The following ADORA1 variants were observed in gnomAD, a reference collection of about 807,000 sequenced individuals.
ADORA1 encodes the protein adenosine receptor A1.
Under a neutral mutation model 19.9 loss-of-function variants are expected in ADORA1, and 6 were observed. The ratio of observed to expected loss-of-function variants is 0.30; its 90% CI spans 0.17 to 0.59. The LOEUF (loss-of-function observed/expected upper bound fraction) is 0.59, where lower values mean the gene tolerates loss of function less well. Ranked by LOEUF, ADORA1 falls within the 20% of genes least tolerant of loss-of-function variation. ADORA1 has a pLI of 0.87. For missense variants in ADORA1, 302 were observed against 439.2 expected, an observed-to-expected ratio of 0.69 and a Z score of 2.79; for synonymous variants, 194 against 188.4, an observed-to-expected ratio of 1.03 and a Z score of -0.24.
At chr1:203,164,908 T>C in intron 3 of ADORA1, 1 of 839,038 alleles carries the variant, frequency 1.2e-6, no homozygotes, top group South Asian at 1.8e-5. Context: ...AAGGCTGTCA[T>C]GAAGCAATGA....
intron 3 of ADORA1, among the ~76,000 whole-genome samples, chr1:203,158,335 A>G (rs886784605): frequency 3.3e-5 from 5 of 152,244 alleles, no homozygotes; most frequent in African/African-American, 4.8e-5. Context: ...TTACAACTAT[A>G]TAACAAGGAT....
At chr1:203,138,964 G>A (rs1055775364) in intron 3 of ADORA1, among the ~76,000 whole-genome samples, 1 of 152,072 alleles carries the variant, frequency 6.6e-6, no homozygotes, top group Non-Finnish European at 1.5e-5. Flanking sequence ...AATCATAGGT[G>A]CATGCCACCA....
chr1:203,145,166 G>A (rs145886852), intron 3 of ADORA1: 8 of 152,416 alleles, frequency 5.2e-5, no homozygotes, highest in African/African-American at 1.9e-4. Flanking sequence ...ATAAGAGGTG[G>A]CTTTGATGTC....
chr1:203,135,839 T>C (rs1654487762), intron 3 of ADORA1, among the ~76,000 whole-genome samples: 1 of 152,010 alleles, frequency 6.6e-6, no homozygotes, highest in Non-Finnish European at 1.5e-5. Context: ...TTACTCCAAC[T>C]CTCCCTTCTC....
intron 3 of ADORA1, among the ~76,000 whole-genome samples, chr1:203,160,406 A>C (rs912539471): frequency 1.3e-5 from 2 of 152,212 alleles, no homozygotes; most frequent in Admixed American, 1.3e-4. Context: ...GCATTCAAGT[A>C]GTGTTGAATT....
intron 3 of ADORA1, among the ~76,000 whole-genome samples, chr1:203,158,574 T>C (rs1365278011): frequency 1.3e-5 from 2 of 152,190 alleles, no homozygotes; most frequent in Non-Finnish European, 1.5e-5. Context: ...TCCTCCAAAC[T>C]CTTCCAGCCT....
At chr1:203,129,219 A>C in intron 3 of ADORA1, 37 bp downstream of exon 3, 1 of 1,570,856 alleles carries the variant, frequency 6.4e-7, no homozygotes, top group Non-Finnish European at 8.6e-7. Context: ...GCAGCACCAC[A>C]TGATGGCTGG....
chr1:203,141,328 C>T (rs1654683072), intron 3 of ADORA1, among the ~76,000 whole-genome samples: 1 of 152,230 alleles, frequency 6.6e-6, no homozygotes, highest in Non-Finnish European at 1.5e-5. Context: ...AGCCAGACCT[C>T]TCAGCTCTCA....
chr1:203,158,818 C>T (rs1655274010), intron 3 of ADORA1, among the ~76,000 whole-genome samples: 1 of 152,170 alleles, frequency 6.6e-6, no homozygotes, highest in South Asian at 2.1e-4. Flanking sequence ...CTGGCTCATC[C>T]TATGGCTGAA....
chr1:203,147,873 C>T lies in ADORA1; in HGVS notation c.342-17388C>T, dbSNP rs1654904508. Among the ~76,000 whole-genome samples, 6 of 152,152 alleles carry T rather than the reference C, an allele frequency of 3.9e-5. No individual in the cohort carries two copies. The South Asian group carries it at 1.2e-3, about 32-fold the overall frequency. On this transcript the variant is annotated intron_variant, in intron 3 of 3. Transcript: ENST00000337894. The stretch of plus-strand genomic sequence containing the variant: ...AATGTTTTGAAACATTACGTTGTAC[C>T]CCATAAATATATACAATTAATGTTT...
chr1:203,153,034 G>A (rs188804679), intron 3 of ADORA1, among the ~76,000 whole-genome samples: 1 of 152,210 alleles, frequency 6.6e-6, no homozygotes, highest in African/African-American at 2.4e-5. Context: ...AGCCCCCTCC[G>A]GATCAGAACC....
chr1:203,135,020 C>T (rs556082901), intron 3 of ADORA1, among the ~76,000 whole-genome samples: 1 of 152,204 alleles, frequency 6.6e-6, no homozygotes, highest in Non-Finnish European at 1.5e-5. Context: ...CCCTGAGCCC[C>T]ACCCCACCTG....
rs146312507 is a variant in ADORA1 at position 203,152,109 on chromosome 1, T to G, written c.342-13152T>G. Among the ~76,000 whole-genome samples, 258 of 152,300 alleles carry G rather than the reference T, an allele frequency of 1.7e-3. 2 individuals are homozygous for G. The highest frequency in any genetic ancestry group is 6.1e-3 in the African/African-American group (252 of 41,562). On this transcript the variant is annotated intron_variant, in intron 3 of 3. Coordinates refer to ENST00000337894, the MANE Select transcript of ADORA1 (RefSeq NM_000674.3). ...CTGCTAGAGCCCAGAAAAGATCTCA[T>G]TCAATCCCTCATCATCCAGACAAGG...
intron 3 of ADORA1, among the ~76,000 whole-genome samples, chr1:203,157,606 G>A (rs945881398): frequency 7.2e-5 from 11 of 152,234 alleles, no homozygotes; most frequent in Admixed American, 5.2e-4. Flanking sequence ...TGGTGGCTCT[G>A]TCCCTGTGAC....
rs138204542 is a variant in ADORA1 at position 203,147,880 on chromosome 1, A to G, written c.342-17381A>G. Among the ~76,000 whole-genome samples, 788 of 152,314 alleles carry G rather than the reference A, an allele frequency of 5.2e-3. 9 individuals are homozygous for G. Among genetic ancestry groups the G allele is most frequent in the South Asian group, 0.029 (141 of 4,826 alleles). ...TGAAACATTACGTTGTACCCCATAA[A>G]TATATACAATTAATGTTTTTCAGTA... On this transcript the variant is annotated intron_variant, in intron 3 of 3. Coordinates refer to ENST00000337894, the MANE Select transcript of ADORA1 (RefSeq NM_000674.3).
intron 3 of ADORA1, among the ~76,000 whole-genome samples, chr1:203,151,991 C>T (rs960213425): frequency 6.6e-5 from 10 of 152,186 alleles, no homozygotes; most frequent in South Asian, 2.1e-4. Flanking sequence ...CAAGGAGTTC[C>T]GTGTTCAGTG....
At chr1:203,158,234 T>G (rs1587054) in intron 3 of ADORA1, among the ~76,000 whole-genome samples, 152,338 of 152,348 alleles carry the variant, frequency 1, 76,164 homozygotes, top group Middle Eastern at 1. Context: ...TTGTTGTTTG[T>G]ATATTTCTTC....
intron 3 of ADORA1, among the ~76,000 whole-genome samples, chr1:203,148,914 G>A (rs1571798687): frequency 6.6e-6 from 1 of 151,300 alleles, no homozygotes; most frequent in Non-Finnish European, 1.5e-5. Context: ...TTTTTGCTCC[G>A]TTGCCCCAGC....
rs1558124197 is a variant in ADORA1 at position 203,127,785 on chromosome 1, C to CT, written c.-355dup. 2 of 152,344 alleles carry CT rather than the reference C, an allele frequency of 1.3e-5. No homozygotes were observed. Among genetic ancestry groups the CT allele is most frequent in the Non-Finnish European group, 2.9e-5 (2 of 68,132 alleles). The allele number at this position is 152,344 out of a possible 1,614,324, so 9.4% of individuals were successfully genotyped here. A position where few individuals can be genotyped will look rare whatever the true frequency, so the allele number is the denominator to read the frequency against. ...GGCGCCCGAGTCGAGTCCCAGCCAG[C>CT]TACCATCCCTCTGGAGCTTACCGGC... On this transcript the variant is annotated 5_prime_UTR_variant, in exon 1 of 4. Coordinates refer to ENST00000337894, the MANE Select transcript of ADORA1 (RefSeq NM_000674.3).
Sources: gnomAD v4.1 joint callset for allele counts (sites outside exome capture counted in the v4.1 genomes callset) on GRCh38, gnomAD v4.1.1 for gene constraint, MANE v1.5 for transcripts, NCBI Gene and HGNC (gene_info 2026-07-23, HGNC 2026-07-21) for gene names.